ADCY1: variants seen among roughly 807,000 people sequenced by gnomAD.
ADCY1 encodes the protein adenylate cyclase 1, also known as adenylate cyclase type 1.
A neutral mutation model predicts 105.4 loss-of-function variants in ADCY1; 28 were observed. The ratio of observed to expected loss-of-function variants is 0.27; its 90% CI spans 0.20 to 0.36. The LOEUF (loss-of-function observed/expected upper bound fraction) is 0.36. ADCY1 is among the 10% of genes least tolerant of loss of function. The probability of loss-of-function intolerance (pLI) is 1.00; values close to 1 mark genes in which losing one functional copy is unlikely to be tolerated. For synonymous variants in ADCY1, 655 were observed against 623.8 expected (o/e 1.05, Z -0.75); for missense variants, 977 against 1,434.2 (o/e 0.68, Z 5.15).
rs923804749 is a variant in ADCY1 at position 45,708,051 on chromosome 7, C to T, written c.2818-299C>T. On this transcript the variant is annotated intron_variant, in intron 17 of 19. Coordinates refer to ENST00000297323, the MANE Select transcript of ADCY1 (RefSeq NM_021116.4). This position sits in a 1 kb window ranked among gnomAD's most constrained non-coding sequence, Gnocchi z 4.7. ...GCTCATTTGCAATGGCCATTAGCAA[C>T]GCTGTCCAAGCAGGAGTTTGAGCAC... 2.0e-5 allele frequency among the ~76,000 whole-genome samples: 3 copies of T among 152,182 alleles called. No homozygotes were observed. Among genetic ancestry groups the T allele is most frequent in the African/African-American group, 4.8e-5 (2 of 41,448 alleles).
chr7:45,584,446 G>A (rs1792658637), intron 1 of ADCY1, among the ~76,000 whole-genome samples: 1 of 152,218 alleles, frequency 6.6e-6, no homozygotes, highest in South Asian at 2.1e-4. Context: ...TGTGGACAAA[G>A]AGGATGGCCC....
intron 8 of ADCY1, among the ~76,000 whole-genome samples, chr7:45,662,853 CGAGCCCGG>C (rs1385525826): frequency 6.6e-6 from 1 of 152,198 alleles, no homozygotes; most frequent in Non-Finnish European, 1.5e-5. Context: ...GTGGGCAGGG[CGAGCCCGG>C]AAGCCTGGAA....
intron 17 of ADCY1, among the ~76,000 whole-genome samples, chr7:45,707,946 A>G (rs1333120291): frequency 6.6e-6 from 1 of 152,240 alleles, no homozygotes; most frequent in Non-Finnish European, 1.5e-5. Flanking sequence ...GGACCTTGTC[A>G]CACACATACA....
intron 1 of ADCY1, among the ~76,000 whole-genome samples, chr7:45,589,344 G>A (rs893505692): frequency 1.3e-5 from 2 of 152,140 alleles, no homozygotes; most frequent in African/African-American, 2.4e-5. Context: ...GCCGGGGTTG[G>A]GTCTCCTGCT....
At chr7:45,599,369 C>T (rs1423782810) in intron 2 of ADCY1, among the ~76,000 whole-genome samples, 1 of 151,634 alleles carries the variant, frequency 6.6e-6, no homozygotes, top group Non-Finnish European at 1.5e-5. Context: ...CTGGGTTCTT[C>T]AGTCTCCTTA....
Position 45,722,416 on chromosome 7 carries a change from G to A in ADCY1, c.*8421G>A, listed in dbSNP as rs1785494322. Reference sequence around the variant, plus strand: ...CGCTGGCTGCAGAGCATCCCTGGGAGCCAAGGCGAGGCCCGTGGAGCCTGA... The same window carrying A: ...CGCTGGCTGCAGAGCATCCCTGGGAACCAAGGCGAGGCCCGTGGAGCCTGA... On this transcript the variant is annotated 3_prime_UTR_variant, in exon 20 of 20. Coordinates refer to ENST00000297323, the MANE Select transcript of ADCY1 (RefSeq NM_021116.4). 1 of 152,276 alleles carries A rather than the reference G, an allele frequency of 6.6e-6. No homozygotes were observed. Among genetic ancestry groups the A allele is most frequent in the African/African-American group, 2.4e-5 (1 of 41,468 alleles). 9.4% of individuals were successfully genotyped at this position (152,276 alleles called of 1,614,324 possible).
chr7:45,601,517 G>A (rs572459186), intron 2 of ADCY1, among the ~76,000 whole-genome samples: 1 of 152,204 alleles, frequency 6.6e-6, no homozygotes. Context: ...CACAACTTTA[G>A]AGGCCATTAT....
intron 4 of ADCY1, among the ~76,000 whole-genome samples, chr7:45,632,676 G>A (rs1348516058): frequency 1.3e-5 from 2 of 151,980 alleles, no homozygotes; most frequent in African/African-American, 4.8e-5. Flanking sequence ...CAATCCTTCT[G>A]CTTCAGCCTC....
At chr7:45,597,936 A>G (rs1793122499) in intron 2 of ADCY1, among the ~76,000 whole-genome samples, 1 of 152,154 alleles carries the variant, frequency 6.6e-6, no homozygotes, top group Admixed American at 6.5e-5. Flanking sequence ...GGGGATTTGA[A>G]TGAGCTAAAA....
intron 12 of ADCY1, 78 bp downstream of exon 12, chr7:45,685,146 C>A: frequency 7.4e-7 from 1 of 1,349,896 alleles, no homozygotes; most frequent in Non-Finnish European, 1.1e-6. Flanking sequence ...AGCCAGGACC[C>A]AGGGCTGCAG....
At chr7:45,580,434 G>C (rs1020921399) in intron 1 of ADCY1, among the ~76,000 whole-genome samples, 11 of 152,212 alleles carry the variant, frequency 7.2e-5, no homozygotes, top group Non-Finnish European at 1.3e-4. Context: ...ATGACCCCAC[G>C]GTGTTTAGGT....
intron 4 of ADCY1, among the ~76,000 whole-genome samples, chr7:45,622,981 G>T (rs750710288): frequency 6.6e-6 from 1 of 152,218 alleles, no homozygotes; most frequent in Non-Finnish European, 1.5e-5. Context: ...CCAGCATGCT[G>T]TCGAATCGGG....
intron 4 of ADCY1, among the ~76,000 whole-genome samples, chr7:45,627,969 G>A (rs746965866): frequency 3.3e-5 from 5 of 152,266 alleles, no homozygotes; most frequent in Non-Finnish European, 5.9e-5. Flanking sequence ...CGCCCACTTC[G>A]CATATGCACA....
At chr7:45,682,890 A>G (rs1447604065) in intron 11 of ADCY1, among the ~76,000 whole-genome samples, 6 of 152,156 alleles carry the variant, frequency 3.9e-5, no homozygotes, top group Non-Finnish European at 5.9e-5. Context: ...GGTAGGGGGA[A>G]GGGAGCCTCA....
At chr7:45,612,961 T>A (rs554249900) in intron 3 of ADCY1, among the ~76,000 whole-genome samples, 103 of 152,280 alleles carry the variant, frequency 6.8e-4, no homozygotes, top group African/African-American at 2.4e-3. Flanking sequence ...TGTGGCTGAT[T>A]GGTGAGAGTC....
chr7:45,584,349 C>A (rs748082425), intron 1 of ADCY1, among the ~76,000 whole-genome samples: 5 of 152,174 alleles, frequency 3.3e-5, no homozygotes, highest in Non-Finnish European at 5.9e-5. Flanking sequence ...TCGATGCTTC[C>A]GATGGATGGG....
At chr7:45,689,973 C>G (rs567933080) in intron 14 of ADCY1, among the ~76,000 whole-genome samples, 2 of 152,330 alleles carry the variant, frequency 1.3e-5, no homozygotes, top group East Asian at 3.9e-4. Context: ...CCCTCCAGGC[C>G]CCCTGTGGGC....
At chr7:45,707,961 G>A (rs1367707637) in intron 17 of ADCY1, among the ~76,000 whole-genome samples, 1 of 152,170 alleles carries the variant, frequency 6.6e-6, no homozygotes, top group East Asian at 1.9e-4. Flanking sequence ...CATACATGAC[G>A]ATGTAGCCTC....
Position 45,717,410 on chromosome 7 carries a change from T to C in ADCY1, c.*3415T>C, listed in dbSNP as rs1034394530. The C allele has an allele frequency of 6.6e-6, 1 of 152,614 alleles. No individual in the cohort carries two copies. The highest frequency in any genetic ancestry group is 2.4e-5 in the African/African-American group (1 of 41,448). 9.5% of individuals were successfully genotyped at this position (152,614 alleles called of 1,614,324 possible). A position where few individuals can be genotyped will look rare whatever the true frequency, so the allele number is the denominator to read the frequency against. On this transcript the variant is annotated 3_prime_UTR_variant, in exon 20 of 20. Transcript: ENST00000297323. ...TGAAAAACAACTTCCTTTTTATTTG[T>C]GGGAAAACTGTATTATATTGCCTTA...
Sources: allele counts gnomAD v4.1 joint callset (sites outside exome capture counted in the v4.1 genomes callset), GRCh38; gene constraint gnomAD v4.1.1; non-coding constraint Gnocchi (gnomAD v3.1); transcripts MANE v1.5; gene names NCBI Gene and HGNC (gene_info 2026-07-23, HGNC 2026-07-21).